Variants in NSUN6 observed in about 807,000 individuals in gnomAD.
NSUN6 encodes the protein NOP2/Sun RNA methyltransferase 6.
A neutral mutation model predicts 58.0 loss-of-function variants in NSUN6; 64 were observed. The ratio of observed to expected loss-of-function variants is 1.10; its 90% CI spans 0.90 to 1.36. NSUN6 has a LOEUF of 1.36. NSUN6 is among the 40% of genes most tolerant of loss of function. NSUN6 has a pLI of 0.00. For synonymous variants in NSUN6, 231 were observed against 193.9 expected (o/e 1.19, Z -1.59); for missense variants, 701 against 550.1 (o/e 1.27, Z -2.74).
At chr10:18,657,723 C>G (rs1323773116), upstream of NSUN6, among the ~76,000 whole-genome samples, 3 of 152,052 alleles carry the variant, frequency 2.0e-5, no homozygotes, top group Non-Finnish European at 4.4e-5. Context: ...AAGCAATTCT[C>G]CTGCCTCAGC....
intron 9 of NSUN6, among the ~76,000 whole-genome samples, chr10:18,551,026 A>G (rs2054565861): frequency 6.6e-6 from 1 of 152,310 alleles, no homozygotes; most frequent in East Asian, 1.9e-4. Context: ...ATACTAGCCA[A>G]TAACTCTATT....
intron 8 of NSUN6, among the ~76,000 whole-genome samples, chr10:18,566,157 C>T (rs529346058): frequency 6.6e-6 from 1 of 151,942 alleles, no homozygotes; most frequent in South Asian, 2.1e-4. Context: ...ATTCTCCATT[C>T]CATTCCATTC....
chr10:18,646,431 G>A (rs916681867), intron 2 of NSUN6, among the ~76,000 whole-genome samples: 2 of 151,968 alleles, frequency 1.3e-5, no homozygotes, highest in Non-Finnish European at 2.9e-5. Flanking sequence ...CCTGTCCAAC[G>A]TTAACCTTCA....
In NSUN6 at chr10:18,634,879, C is replaced by T. The variant is rs749169050; in HGVS notation, c.311+7597G>A. On this transcript the variant is annotated intron_variant, in intron 3 of 10. Transcript: ENST00000377304. Reference sequence around the variant, plus strand: ...AGTTAAAGTAACAGGCTGGAGACTGCGGTTCTTAGAAAGGGTTGCTTGAGA... The same window carrying T: ...AGTTAAAGTAACAGGCTGGAGACTGTGGTTCTTAGAAAGGGTTGCTTGAGA... Among the ~76,000 whole-genome samples, 5 of 152,110 alleles carry T rather than the reference C, an allele frequency of 3.3e-5. 1 individual carries two copies. The highest frequency in any genetic ancestry group is 2.0e-4 in the Admixed American group (3 of 15,282).
At chr10:18,654,581 G>C (rs1197925443), upstream of NSUN6, 1 of 152,194 alleles carries the variant, frequency 6.6e-6, no homozygotes, top group Non-Finnish European at 1.5e-5. Flanking sequence ...ATAAATTAGG[G>C]ACTATAGTAT....
Position 18,545,947 on chromosome 10 carries a change from A to G in NSUN6, c.1396T>C (p.Cys466Arg). ...IGFFIAKFVK[C>R]KST Reference sequence around the variant, plus strand: ...CCATCCCTCTCCTATGTGCTTTTGCATTTTACAAATTTTGCAATAAAAAAA... The same window carrying G: ...CCATCCCTCTCCTATGTGCTTTTGCGTTTTACAAATTTTGCAATAAAAAAA... Residue 466 changes from cysteine to arginine, a missense_variant, in exon 11 of 11, where the codon TGC (cysteine) becomes CGC (arginine). Physicochemically the swap from Cys to Arg is radical, Grantham distance 180 (BLOSUM62 -3). Transcript: ENST00000377304. 1 of 1,573,740 alleles carries G rather than the reference A, an allele frequency of 6.4e-7. No homozygotes were observed. Among genetic ancestry groups the G allele is most frequent in the Non-Finnish European group, 8.6e-7 (1 of 1,160,562 alleles).
chr10:18,600,941 A>AAAATATATAT (rs1487679670), intron 6 of NSUN6, among the ~76,000 whole-genome samples: 10 of 43,540 alleles, frequency 2.3e-4, no homozygotes, highest in East Asian at 2.4e-3. Context: ...AAAAAAAAAA[A>AAAATATATAT]ATATATATAT....
At chr10:18,626,487 G>A (rs2058811205) in intron 3 of NSUN6, among the ~76,000 whole-genome samples, 1 of 152,226 alleles carries the variant, frequency 6.6e-6, no homozygotes, top group Admixed American at 6.5e-5. Flanking sequence ...GACTTAATGG[G>A]CCGGACACAG....
At chr10:18,606,008 A>T (rs532050998) in intron 6 of NSUN6, among the ~76,000 whole-genome samples, 68 of 152,208 alleles carry the variant, frequency 4.5e-4, no homozygotes, top group Non-Finnish European at 9.4e-4. Flanking sequence ...TCAGAGATAG[A>T]CATGATGGGG....
intron 8 of NSUN6, among the ~76,000 whole-genome samples, chr10:18,556,892 G>C (rs558764297): frequency 5.3e-5 from 8 of 150,962 alleles, no homozygotes; most frequent in Middle Eastern, 7.0e-3. Flanking sequence ...GGAAGGGAAT[G>C]GAATGGAAAA....
chr10:18,635,764 G>A (rs1176711111), intron 3 of NSUN6, among the ~76,000 whole-genome samples: 4 of 151,674 alleles, frequency 2.6e-5, no homozygotes, highest in African/African-American at 9.7e-5. Flanking sequence ...CTTGAACCCG[G>A]GAGGCAGGGG....
At chr10:18,587,561 G>A (rs2057209365) in intron 7 of NSUN6, among the ~76,000 whole-genome samples, 2 of 152,262 alleles carry the variant, frequency 1.3e-5, no homozygotes, top group South Asian at 2.1e-4. Flanking sequence ...CAGAACGTGA[G>A]TGATTTCTGC....
intron 10 of NSUN6, 56 bp from the exon 11 acceptor site, chr10:18,546,201 C>CT: frequency 1.7e-6 from 2 of 1,173,558 alleles, no homozygotes; most frequent in Non-Finnish European, 2.6e-6. Context: ...GCAAGTATGA[C>CT]TGCTACAATT....
chr10:18,654,717 TAA>T (rs1220384989), upstream of NSUN6: 3 of 152,068 alleles, frequency 2.0e-5, no homozygotes, highest in Non-Finnish European at 4.4e-5. Context: ...CCATCTGTAC[TAA>T]AAATGCAAAA....
At chr10:18,656,098 G>T (rs998497310), upstream of NSUN6, among the ~76,000 whole-genome samples, 1 of 152,172 alleles carries the variant, frequency 6.6e-6, no homozygotes, top group Non-Finnish European at 1.5e-5. Context: ...ATTACTTACA[G>T]CATCAAAAAT....
At chr10:18,654,965 C>CA, upstream of NSUN6, 3 of 537,080 alleles carry the variant, frequency 5.6e-6, no homozygotes, top group Non-Finnish European at 7.1e-6. Flanking sequence ...ATTAAACAAA[C>CA]AAAAAATCAA....
intron 5 of NSUN6, among the ~76,000 whole-genome samples, chr10:18,611,016 C>T (rs1174021611): frequency 6.6e-6 from 1 of 152,032 alleles, no homozygotes; most frequent in Non-Finnish European, 1.5e-5. Flanking sequence ...GCAGCCTGGG[C>T]AACATCTCTA....
chr10:18,642,537 C>T lies in NSUN6; in HGVS notation c.250G>A (p.Val84Ile), dbSNP rs1427115735. Reference sequence around the variant, plus strand: ...AGGTCTGGATGTTGAAGAATAGGAACACTTAATCCATTAAACTGCTGTTAA... The same window carrying T: ...AGGTCTGGATGTTGAAGAATAGGAATACTTAATCCATTAAACTGCTGTTAA... ...ELQKQFNGLSVPILQHPDLQD... is the reference protein window; with the variant it reads ...ELQKQFNGLSIPILQHPDLQD... Residue 84 changes from valine (V) to isoleucine (I), a missense_variant, in exon 3 of 11, where the codon GTT becomes ATT. Transcript: ENST00000377304. 2 of 1,515,554 alleles carry T rather than the reference C, an allele frequency of 1.3e-6. No homozygotes were observed. The highest frequency in any genetic ancestry group is 1.4e-5 in the African/African-American group (1 of 72,968). The allele number at this position is 1,515,554 out of a possible 1,614,324, so 93.9% of individuals were successfully genotyped here. A position where few individuals can be genotyped will look rare whatever the true frequency, so the allele number is the denominator to read the frequency against.
At chr10:18,582,196 G>A (rs1277265449) in intron 8 of NSUN6, among the ~76,000 whole-genome samples, 1 of 152,104 alleles carries the variant, frequency 6.6e-6, no homozygotes, top group Non-Finnish European at 1.5e-5. Context: ...TCTGTCTTCT[G>A]GGAGACTACC....
Sources: allele counts gnomAD v4.1 joint callset (sites outside exome capture counted in the v4.1 genomes callset), GRCh38; gene constraint gnomAD v4.1.1; transcripts MANE v1.5; gene names NCBI Gene and HGNC (gene_info 2026-07-23, HGNC 2026-07-21).